The following SORCS1 variants were observed in gnomAD, a reference collection of about 807,000 sequenced individuals.
SORCS1 encodes the protein sortilin related VPS10 domain containing receptor 1, also known as VPS10 domain-containing receptor SorCS1.
A neutral mutation model predicts 146.1 loss-of-function variants in SORCS1; 60 were observed. The ratio of observed to expected loss-of-function variants is 0.41; its 90% confidence interval spans 0.33 to 0.51. SORCS1 has a LOEUF of 0.51. Among genes scored for constraint, SORCS1 ranks in the 20% least tolerant of loss-of-function variants. The pLI, the probability that SORCS1 is intolerant of heterozygous loss-of-function variation, is 0.21. For missense variants in SORCS1, 1,352 were observed against 1,487.6 expected (o/e 0.91, Z 1.50); for synonymous variants, 637 against 584.0 (o/e 1.09, Z -1.31).
intron 1 of SORCS1, among the ~76,000 whole-genome samples, chr10:106,968,805 A>T (rs568875432): frequency 6.6e-6 from 1 of 152,358 alleles, no homozygotes; most frequent in East Asian, 1.9e-4. Flanking sequence ...TAACAAAAGC[A>T]ACAAGAATAA....
intron 2 of SORCS1, among the ~76,000 whole-genome samples, chr10:106,933,000 A>G (rs1953495564): frequency 6.6e-6 from 1 of 152,182 alleles, no homozygotes. Flanking sequence ...TCACACCACA[A>G]AGGGATCTAA....
chr10:107,129,223 A>C (rs539375582), intron 1 of SORCS1, among the ~76,000 whole-genome samples: 112 of 152,348 alleles, frequency 7.4e-4, no homozygotes, highest in Non-Finnish European at 1.5e-3. Context: ...AAGCAAATGA[A>C]TGGTCTTGGA....
At chr10:107,139,835 C>T (rs1371186943) in intron 1 of SORCS1, among the ~76,000 whole-genome samples, 9 of 152,214 alleles carry the variant, frequency 5.9e-5, no homozygotes, top group African/African-American at 1.9e-4. Flanking sequence ...GCTCCATGCA[C>T]CTGGCCAAAC....
intron 3 of SORCS1, among the ~76,000 whole-genome samples, chr10:106,780,898 A>G (rs1008731512): frequency 6.6e-6 from 1 of 152,228 alleles, no homozygotes; most frequent in Non-Finnish European, 1.5e-5. Flanking sequence ...CAGAAGGAAG[A>G]AGAAACTTTA....
At chr10:106,986,380 G>C (rs1956470470) in intron 1 of SORCS1, among the ~76,000 whole-genome samples, 2 of 152,094 alleles carry the variant, frequency 1.3e-5, no homozygotes, top group African/African-American at 4.8e-5. Flanking sequence ...ACCCAAAGTA[G>C]GCTAGATATA....
At chr10:106,801,406 C>T (rs1292262187) in intron 3 of SORCS1, among the ~76,000 whole-genome samples, 1 of 151,684 alleles carries the variant, frequency 6.6e-6, no homozygotes, top group African/African-American at 2.4e-5. Flanking sequence ...TATAAAACAT[C>T]ACAGTAATAG....
chr10:107,069,146 C>T (rs1962191983), intron 1 of SORCS1, among the ~76,000 whole-genome samples: 1 of 152,090 alleles, frequency 6.6e-6, no homozygotes, highest in Non-Finnish European at 1.5e-5. Context: ...ATTGAATAAG[C>T]ACGTCCAGAG....
At chr10:106,951,550 A>AGCCTATCT (rs1954686994) in intron 2 of SORCS1, among the ~76,000 whole-genome samples, 1 of 151,742 alleles carries the variant, frequency 6.6e-6, no homozygotes, top group African/African-American at 2.4e-5. Flanking sequence ...TGGAGGACAG[A>AGCCTATCT]GCCTATCTGC....
In SORCS1 at chr10:107,035,271, A is replaced by C. The variant is rs866844927; in HGVS notation, c.559-78691T>G. On this transcript the variant is annotated intron_variant, in intron 1 of 25. Coordinates refer to ENST00000263054, the MANE Select transcript of SORCS1 (RefSeq NM_052918.5). ...TGGTCCAGTGAAGCTTCAAAAAAAAAAAAACAACAAAAAAAAAAACACAGA... is the reference window on the plus strand; with the variant it reads ...TGGTCCAGTGAAGCTTCAAAAAAAACAAAACAACAAAAAAAAAAACACAGA... Among the ~76,000 whole-genome samples, 150 of 142,400 alleles carry C rather than the reference A, an allele frequency of 1.1e-3. 2 individuals are homozygous for C. Among genetic ancestry groups the C allele is most frequent in the South Asian group, 1.7e-3 (8 of 4,636 alleles). 93.4% of individuals were successfully genotyped at this position (142,400 alleles called of 152,430 possible). A position where few individuals can be genotyped will look rare whatever the true frequency, so the allele number is the denominator to read the frequency against.
intron 18 of SORCS1, among the ~76,000 whole-genome samples, chr10:106,651,810 A>T: frequency 6.6e-6 from 1 of 152,326 alleles, no homozygotes; most frequent in East Asian, 1.9e-4. Context: ...CACCATATAA[A>T]TTTCAGACAT....
intron 19 of SORCS1, among the ~76,000 whole-genome samples, chr10:106,625,052 C>A (rs567891326): frequency 1.3e-5 from 2 of 152,320 alleles, no homozygotes; most frequent in Admixed American, 6.5e-5. Flanking sequence ...GTAGGTGGCG[C>A]TGCATCATTC....
chr10:107,075,996 CA>C (rs557595175), intron 1 of SORCS1, among the ~76,000 whole-genome samples: 3 of 150,280 alleles, frequency 2.0e-5, no homozygotes, highest in South Asian at 4.2e-4. Context: ...AGGGTGACAC[CA>C]AAAAAAAATC....
chr10:106,822,958 T>G (rs958300529), intron 3 of SORCS1, among the ~76,000 whole-genome samples: 1 of 151,866 alleles, frequency 6.6e-6, no homozygotes, highest in Non-Finnish European at 1.5e-5. Context: ...TTTTTTTGTA[T>G]TTTTAGTAGA....
chr10:106,671,161 C>A, intron 16 of SORCS1, 76 bp downstream of exon 16: 3 of 1,586,786 alleles, frequency 1.9e-6, no homozygotes, highest in Non-Finnish European at 1.7e-6. Flanking sequence ...ACTATTATTT[C>A]AATTCTAAGC....
intron 6 of SORCS1, among the ~76,000 whole-genome samples, chr10:106,725,867 G>T (rs1184079172): frequency 7.1e-6 from 1 of 139,932 alleles, no homozygotes; most frequent in African/African-American, 2.6e-5. Context: ...GGGGGCAGAG[G>T]TTGCAGTGAG....
intron 1 of SORCS1, among the ~76,000 whole-genome samples, chr10:106,961,960 T>C (rs1411121788): frequency 6.6e-6 from 1 of 152,218 alleles, no homozygotes; most frequent in Non-Finnish European, 1.5e-5. Context: ...TCTTGAATTC[T>C]TTCCTGAGTG....
intron 2 of SORCS1, among the ~76,000 whole-genome samples, chr10:106,862,721 G>A (rs769106714): frequency 4.7e-5 from 7 of 147,432 alleles, no homozygotes; most frequent in South Asian, 2.1e-4. Flanking sequence ...CGAGACAGGC[G>A]GATCATGAGG....
intron 4 of SORCS1, among the ~76,000 whole-genome samples, chr10:106,762,502 A>C (rs1322478626): frequency 7.2e-5 from 10 of 138,366 alleles, no homozygotes; most frequent in African/African-American, 2.7e-4. Flanking sequence ...ACGCCATTCT[A>C]CTGCCTCAGC....
intron 1 of SORCS1, among the ~76,000 whole-genome samples, chr10:107,129,948 T>C (rs757742629): frequency 6.6e-6 from 1 of 152,224 alleles, no homozygotes; most frequent in East Asian, 1.9e-4. Flanking sequence ...AGGAATGAAA[T>C]CATGTTGCTC....
Sources: gnomAD v4.1 joint callset for allele counts (sites outside exome capture counted in the v4.1 genomes callset) on GRCh38, gnomAD v4.1.1 for gene constraint, MANE v1.5 for transcripts, NCBI Gene and HGNC (gene_info 2026-07-23, HGNC 2026-07-21) for gene names.